Variants in PBX3 observed in about 807,000 individuals in gnomAD.
The protein encoded by PBX3 is pre-B-cell leukemia transcription factor 3.
Under a neutral mutation model 48.5 loss-of-function variants are expected in PBX3, and 14 were observed. The observed-to-expected ratio is 0.29, with a 90% CI of 0.19 to 0.45. The LOEUF (loss-of-function observed/expected upper bound fraction) is 0.45. PBX3 is among the 20% of genes least tolerant of loss of function. The pLI, the probability that PBX3 is intolerant of heterozygous loss-of-function variation, is 1.00. For missense variants in PBX3, 386 were observed against 546.7 expected, an observed-to-expected ratio of 0.71 and a Z score of 2.93; for synonymous variants, 210 against 200.3, an observed-to-expected ratio of 1.05 and a Z score of -0.41.
chr9:125,843,651 A>G lies in PBX3; in HGVS notation c.275-72035A>G, dbSNP rs1254426575. The G allele has an allele frequency of 3.5e-5, 10 of 289,772 alleles. 1 individual carries two copies. The highest frequency in any genetic ancestry group is 2.9e-4 in the South Asian group (10 of 35,074). 18.0% of individuals were successfully genotyped at this position (289,772 alleles called of 1,614,324 possible). A position where few individuals can be genotyped will look rare whatever the true frequency, so the allele number is the denominator to read the frequency against. Reference sequence around the variant, plus strand: ...TTGACAACAGTCCCGAAAGAATATTACATTAGGGCACCAGAGAACTTTTAA... The same window carrying G: ...TTGACAACAGTCCCGAAAGAATATTGCATTAGGGCACCAGAGAACTTTTAA... On this transcript the variant is annotated intron_variant, in intron 2 of 8. Coordinates refer to ENST00000373489, the MANE Select transcript of PBX3 (RefSeq NM_006195.6).
chr9:125,762,763 A>C (rs1265350639), intron 2 of PBX3, among the ~76,000 whole-genome samples: 3 of 152,218 alleles, frequency 2.0e-5, no homozygotes, highest in Non-Finnish European at 4.4e-5. Flanking sequence ...CAACCATAAA[A>C]ACTTAAAAGC....
intron 2 of PBX3, among the ~76,000 whole-genome samples, chr9:125,859,114 A>C (rs1246478922): frequency 6.6e-6 from 1 of 152,154 alleles, no homozygotes; most frequent in Non-Finnish European, 1.5e-5. Context: ...AGAGTAGGAG[A>C]AACGATAGTA....
At chr9:125,838,118 A>T (rs1373942767) in intron 2 of PBX3, among the ~76,000 whole-genome samples, 3 of 152,198 alleles carry the variant, frequency 2.0e-5, no homozygotes, top group Non-Finnish European at 4.4e-5. Context: ...ATGCAGTGGC[A>T]TGATCACAGC....
chr9:125,807,819 C>T (rs1249688650), intron 2 of PBX3, among the ~76,000 whole-genome samples: 1 of 152,080 alleles, frequency 6.6e-6, no homozygotes, highest in Non-Finnish European at 1.5e-5. Flanking sequence ...CACCTTGACA[C>T]CAGGAAAGGA....
intron 2 of PBX3, among the ~76,000 whole-genome samples, chr9:125,856,263 G>GTAAA (rs1244738713): frequency 6.6e-6 from 1 of 152,128 alleles, no homozygotes. Context: ...TTGAATCAAT[G>GTAAA]TAAAATACTC....
chr9:125,817,848 T>A (rs1838512368), intron 2 of PBX3, among the ~76,000 whole-genome samples: 2 of 152,178 alleles, frequency 1.3e-5, no homozygotes, highest in African/African-American at 4.8e-5. Context: ...GGAGATAAAT[T>A]CTTGTGAGTA....
chr9:125,778,913 A>G (rs1330951451), intron 2 of PBX3, among the ~76,000 whole-genome samples: 1 of 134,674 alleles, frequency 7.4e-6, no homozygotes, highest in Non-Finnish European at 1.6e-5. Flanking sequence ...ATACATCACA[A>G]AAATGCCATT....
chr9:125,812,356 A>G (rs529570954), intron 2 of PBX3, among the ~76,000 whole-genome samples: 1 of 152,340 alleles, frequency 6.6e-6, no homozygotes, highest in East Asian at 1.9e-4. Flanking sequence ...AGCTTTACCA[A>G]ATATATGCAT....
chr9:125,947,813 T>A (rs1279274395), intron 5 of PBX3, among the ~76,000 whole-genome samples: 1 of 152,116 alleles, frequency 6.6e-6, no homozygotes, highest in Non-Finnish European at 1.5e-5. Flanking sequence ...TATAACAGTA[T>A]GAAAAAATTT....
At chr9:125,853,968 A>G (rs1180763720) in intron 2 of PBX3, among the ~76,000 whole-genome samples, 1 of 149,312 alleles carries the variant, frequency 6.7e-6, no homozygotes, top group African/African-American at 2.5e-5. Context: ...AACAAGAAAC[A>G]TTAATTGGCT....
rs533472501 is a variant in PBX3 at position 125,887,010 on chromosome 9, T to C, written c.275-28676T>C. ...AAAAAGGCTTTTCATACTTTGGTCT[T>C]GGAAAAATACTATTCTACTTTTGTC... On this transcript the variant is annotated intron_variant, in intron 2 of 8. Coordinates refer to ENST00000373489, the MANE Select transcript of PBX3 (RefSeq NM_006195.6). Among the ~76,000 whole-genome samples the C allele has an allele frequency of 3.3e-5, 5 of 152,264 alleles. No individual in the cohort carries two copies. The South Asian group carries it at 1.0e-3, about 32-fold the overall frequency.
At chr9:125,896,252 A>G (rs1840765550) in intron 2 of PBX3, among the ~76,000 whole-genome samples, 1 of 152,158 alleles carries the variant, frequency 6.6e-6, no homozygotes, top group South Asian at 2.1e-4. Context: ...TGCCTTATGT[A>G]CCTATTTCAC....
intron 2 of PBX3, among the ~76,000 whole-genome samples, chr9:125,876,532 A>G (rs746458911): frequency 3.3e-5 from 5 of 152,180 alleles, no homozygotes; most frequent in Admixed American, 1.3e-4. Flanking sequence ...TATTTTCTTA[A>G]TAACATTTTA....
chr9:125,952,178 G>A (rs1479616959), intron 5 of PBX3, among the ~76,000 whole-genome samples: 1 of 152,166 alleles, frequency 6.6e-6, no homozygotes, highest in Non-Finnish European at 1.5e-5. Flanking sequence ...TGCATCACAA[G>A]TAAACATGGG....
rs1836610220 is a variant in PBX3, at chr9:125,759,598, CAG to C, written c.274+10977_274+10978del. On this transcript the variant is annotated intron_variant, in intron 2 of 8. Coordinates refer to ENST00000373489, the MANE Select transcript of PBX3 (RefSeq NM_006195.6). This position sits in a 1 kb window ranked among gnomAD's most constrained non-coding sequence, Gnocchi z 4.2. ...TTTCTATGAATATAGCTTCACAAAA[CAG>C]ATGCTGTTTAAGAAAAGGGGGAACA... Among the ~76,000 whole-genome samples, 1 of 152,176 alleles carries C rather than the reference CAG, an allele frequency of 6.6e-6. No homozygotes were observed.
intron 3 of PBX3, among the ~76,000 whole-genome samples, chr9:125,928,300 G>A (rs1165975877): frequency 6.6e-6 from 1 of 152,048 alleles, no homozygotes; most frequent in Non-Finnish European, 1.5e-5. Context: ...GATTGCTTGA[G>A]CCCAGGGGCT....
intron 3 of PBX3, 152 bp from the exon 4 acceptor site, chr9:125,929,503 C>A: frequency 1.8e-6 from 1 of 545,070 alleles, no homozygotes; most frequent in Non-Finnish European, 3.2e-6. Context: ...ACTACTATTA[C>A]TACCATTTTA....
chr9:125,951,277 C>A (rs898052556), intron 5 of PBX3, among the ~76,000 whole-genome samples: 2 of 152,124 alleles, frequency 1.3e-5, no homozygotes, highest in Admixed American at 1.3e-4. Flanking sequence ...AGAGGTAGTG[C>A]CGTCAGGTAC....
intron 2 of PBX3, chr9:125,843,667 G>T (rs1839346597): frequency 9.1e-6 from 3 of 330,072 alleles, no homozygotes; most frequent in Non-Finnish European, 1.9e-5. Flanking sequence ...GGGCACCAGA[G>T]AACTTTTAAA....
Sources: allele counts gnomAD v4.1 joint callset (sites outside exome capture counted in the v4.1 genomes callset), GRCh38; gene constraint gnomAD v4.1.1; non-coding constraint Gnocchi (gnomAD v3.1); transcripts MANE v1.5; gene names NCBI Gene and HGNC (gene_info 2026-07-23, HGNC 2026-07-21).